The following IFT122 variants were observed in gnomAD, a reference collection of about 807,000 sequenced individuals.
The protein encoded by IFT122 is intraflagellar transport protein 122 homolog.
IFT122 carries 118 observed loss-of-function variants against 161.6 expected under a neutral mutation model. The ratio of observed to expected loss-of-function variants is 0.73; its 90% CI spans 0.63 to 0.85. The LOEUF (loss-of-function observed/expected upper bound fraction) is 0.85, where lower values mean the gene tolerates loss of function less well. Among genes scored for constraint, IFT122 ranks in the 40% least tolerant of loss-of-function variants. The probability of loss-of-function intolerance (pLI) is 0.00; values close to 1 mark genes in which losing one functional copy is unlikely to be tolerated. For missense variants in IFT122, 1,381 were observed against 1,579.6 expected, an observed-to-expected ratio of 0.87 and a Z score of 2.13; for synonymous variants, 550 against 602.4, an observed-to-expected ratio of 0.91 and a Z score of 1.27.
chr3:129,491,662 G>A lies in IFT122; in HGVS notation c.1993-479G>A, dbSNP rs542550016. Among the ~76,000 whole-genome samples, 5 of 152,184 alleles carry A rather than the reference G, an allele frequency of 3.3e-5. No homozygotes were observed. The East Asian group carries it at 9.7e-4, about 29-fold the overall frequency. Reference sequence around the variant, plus strand: ...CCTCTGCTCCCTCTGTGGTACCAGGGGCTCTGGGTCCCCTGTGTCTGTGGC... The same window carrying A: ...CCTCTGCTCCCTCTGTGGTACCAGGAGCTCTGGGTCCCCTGTGTCTGTGGC... On this transcript the variant is annotated intron_variant, in intron 16 of 29. Coordinates refer to ENST00000348417, the MANE Select transcript of IFT122 (RefSeq NM_052989.3).
chr3:129,500,101 G>A, intron 19 of IFT122, 33 bp downstream of exon 19: 1 of 1,612,712 alleles, frequency 6.2e-7, no homozygotes, highest in Non-Finnish European at 8.5e-7. Context: ...AGAAGCATTT[G>A]GCAGCATGTC....
chr3:129,483,647 C>A lies in IFT122; in HGVS notation c.1816C>A (p.His606Asn). 1 of 1,610,168 alleles carries A rather than the reference C, an allele frequency of 6.2e-7. No homozygotes were observed. Among genetic ancestry groups the A allele is most frequent in the East Asian group, 2.2e-5 (1 of 44,752 alleles). Residue 606 changes from histidine to asparagine, a missense_variant, in exon 15 of 30, where the codon CAT becomes AAT. Physicochemically the swap from His to Asn is moderately conservative, Grantham distance 68. Coordinates refer to ENST00000348417, the MANE Select transcript of IFT122 (RefSeq NM_052989.3). ...GYNGSKIFCL[H>N]VFSISAVEVP... ...CAATGGCTCCAAGATCTTCTGCCTC[C>A]ATGTCTTCTCCATTTCTGCCGTGGA... is the stretch of plus-strand genomic sequence containing the variant.
At chr3:129,498,916 G>A (rs927386028) in intron 18 of IFT122, among the ~76,000 whole-genome samples, 1 of 152,184 alleles carries the variant, frequency 6.6e-6, no homozygotes, top group African/African-American at 2.4e-5. Context: ...TCCCACGTGT[G>A]TATTTTGGGT....
chr3:129,470,462 T>G (rs1387315837), intron 9 of IFT122, among the ~76,000 whole-genome samples: 1 of 151,798 alleles, frequency 6.6e-6, no homozygotes, highest in East Asian at 1.9e-4. Context: ...AGACGGGGTT[T>G]CACTGTGTTA....
intron 9 of IFT122, among the ~76,000 whole-genome samples, chr3:129,470,794 T>C (rs1194302441): frequency 1.3e-5 from 2 of 151,834 alleles, no homozygotes; most frequent in Non-Finnish European, 2.9e-5. Context: ...GGTCTCAAGC[T>C]CCTGACCTCA....
rs1455402838 is a variant in IFT122, at chr3:129,488,329, A to G, written c.1924A>G (p.Thr642Ala). The G allele has an allele frequency of 3.1e-6, 5 of 1,613,938 alleles. No individual in the cohort carries two copies. Residue 642 changes from threonine to alanine, a missense_variant, in exon 16 of 30, where the codon ACA becomes GCA. By Grantham distance (58) the Thr-to-Ala change is moderately conservative. This residue lies in a region of IFT122 where 544 missense variants were observed against 648.0 expected (regional missense o/e 0.84). Transcript: ENST00000348417. ...CTACCAGATTGCTTGCTTGGGTGTC[A>G]CAGACACTGATTGGCGTGAACTGGC... ...EAYQIACLGV[T>A]DTDWRELAME... is the part of the protein sequence containing the mutation.
intron 9 of IFT122, among the ~76,000 whole-genome samples, chr3:129,475,750 G>T (rs1378529804): frequency 6.6e-6 from 1 of 152,168 alleles, no homozygotes; most frequent in Admixed American, 6.5e-5. Context: ...GGAGTTGAAG[G>T]CTGCAGTGAG....
At chr3:129,486,569 G>A (rs1252366053) in intron 15 of IFT122, among the ~76,000 whole-genome samples, 2 of 152,178 alleles carry the variant, frequency 1.3e-5, no homozygotes, top group Non-Finnish European at 2.9e-5. Flanking sequence ...TCCAGGAGAT[G>A]GTGAAACTTG....
rs769999922 is a variant in IFT122 at position 129,449,953 on chromosome 3, AGT to A, written c.108+17_108+18del. ...CAGATTACTGGTAGGATTTTGTCTT[AGT>A]TTCCTCTTAAAGTGCTTCCCTAACC... On this transcript the variant is annotated intron_variant, in intron 2 of 29. Transcript: ENST00000348417. 1.1e-5 allele frequency: 18 copies of A among 1,573,688 alleles called. No homozygotes were observed. The East Asian group carries it at 4.0e-4, about 35-fold the overall frequency.
chr3:129,500,431 A>G (rs886669252), intron 19 of IFT122, among the ~76,000 whole-genome samples: 1 of 152,234 alleles, frequency 6.6e-6, no homozygotes, highest in African/African-American at 2.4e-5. Flanking sequence ...AACAGAAGCT[A>G]AAGGGACAAG....
At chr3:129,448,015 T>G (rs1228041358) in intron 1 of IFT122, among the ~76,000 whole-genome samples, 1 of 152,164 alleles carries the variant, frequency 6.6e-6, no homozygotes, top group East Asian at 1.9e-4. Context: ...TTTCTCACTT[T>G]CATGTCTTTG....
chr3:129,477,153 C>A (rs1239597407), intron 11 of IFT122, among the ~76,000 whole-genome samples: 2 of 152,098 alleles, frequency 1.3e-5, no homozygotes, highest in African/African-American at 4.8e-5. Context: ...GACCTTTATC[C>A]TTTCTGGTCA....
At chr3:129,452,691 A>AT (rs1247090300) in intron 3 of IFT122, among the ~76,000 whole-genome samples, 1 of 152,174 alleles carries the variant, frequency 6.6e-6, no homozygotes, top group Non-Finnish European at 1.5e-5. Flanking sequence ...AAAGATTTTG[A>AT]TTCTCAGTCA....
intron 18 of IFT122, 90 bp from the exon 19 acceptor site, chr3:129,499,812 G>T (rs1457035338): frequency 1.3e-6 from 2 of 1,529,224 alleles, no homozygotes; most frequent in Non-Finnish European, 1.8e-6. Flanking sequence ...TCAGCCATGT[G>T]GAGCCCGCCC....
At chr3:129,505,413 T>G (rs993355919) in intron 21 of IFT122, among the ~76,000 whole-genome samples, 1 of 152,222 alleles carries the variant, frequency 6.6e-6, no homozygotes, top group African/African-American at 2.4e-5. Flanking sequence ...AAGCCCTCAT[T>G]GAAGGTTAGC....
At chr3:129,441,524 C>G (rs1172222562) in intron 1 of IFT122, among the ~76,000 whole-genome samples, 1 of 152,120 alleles carries the variant, frequency 6.6e-6, no homozygotes, top group African/African-American at 2.4e-5. Context: ...GGATAATTTG[C>G]CAGCGTCACA....
intron 12 of IFT122, 122 bp downstream of exon 12, chr3:129,478,340 T>A: frequency 1.3e-6 from 1 of 787,692 alleles, no homozygotes; most frequent in Non-Finnish European, 2.2e-6. Context: ...TCCATCAAAC[T>A]AAGTGGTGCT....
Position 129,476,322 on chromosome 3 carries a change from A to G in IFT122, c.824A>G (p.Lys275Arg), listed in dbSNP as rs372821730. 3.1e-6 allele frequency: 5 copies of G among 1,614,078 alleles called. No homozygotes were observed. In the African/African-American group the frequency reaches 6.7e-5, roughly 22 times the overall value. The change falls in exon 10 of 30, where the codon AAG becomes AGG. Residue 275 changes from lysine (K) to arginine (R), a missense_variant. Transcript: ENST00000348417. The stretch of plus-strand genomic sequence containing the variant: ...TGTGTTCTTTTTCCTCAGATTGGAA[A>G]GGATCGGGCACTGAACTTTGACCCC... ...FYQLSGKQIG[K>R]DRALNFDPCC...
intron 11 of IFT122, among the ~76,000 whole-genome samples, chr3:129,477,306 G>A (rs2078067933): frequency 6.6e-6 from 1 of 152,168 alleles, no homozygotes; most frequent in Non-Finnish European, 1.5e-5. Flanking sequence ...GTCATTCTAA[G>A]CCCTAAGACT....
Sources: allele counts gnomAD v4.1 joint callset (sites outside exome capture counted in the v4.1 genomes callset), GRCh38; gene constraint gnomAD v4.1.1; regional missense constraint gnomAD v4.1.1; transcripts MANE v1.5; gene names NCBI Gene and HGNC (gene_info 2026-07-23, HGNC 2026-07-21).